The following ZSCAN4 variants were observed in gnomAD, a reference collection of about 807,000 sequenced individuals.
ZSCAN4 encodes the protein zinc finger and SCAN domain containing 4.
In ZSCAN4, 18 loss-of-function variants were observed where a neutral mutation model predicts 18.3. The ratio of observed to expected loss-of-function variants is 0.98; its 90% CI spans 0.68 to 1.46. The LOEUF is 1.46. ZSCAN4 is among the 40% of genes most tolerant of loss of function. The pLI, the probability that ZSCAN4 is intolerant of heterozygous loss-of-function variation, is 0.00. For missense variants in ZSCAN4, 498 were observed against 511.4 expected (o/e 0.97, Z 0.25); for synonymous variants, 193 against 180.3 (o/e 1.07, Z -0.57).
chr19:57,656,512 G>A, the ZSCAN4 span, among the ~76,000 whole-genome samples: 1 of 152,170 alleles, frequency 6.6e-6, no homozygotes, highest in South Asian at 2.1e-4. Context: ...AACCTTGAAT[G>A]TTTAACCAGT....
chr19:57,672,841 A>T (rs993154594), intron 2 of ZSCAN4, among the ~76,000 whole-genome samples: 1 of 152,082 alleles, frequency 6.6e-6, no homozygotes, highest in Admixed American at 6.6e-5. Flanking sequence ...GCCTCAAGCG[A>T]TATGCCCACC....
Position 57,678,397 on chromosome 19 carries a change from G to A in ZSCAN4, c.794G>A (p.Gly265Asp), listed in dbSNP as rs760112751. Reference sequence around the variant, plus strand: ...TCCATAAATGGAATCACTTTCCAAGGTGTCCCTATGGTGATGGGAGCAGGG... The same window carrying A: ...TCCATAAATGGAATCACTTTCCAAGATGTCCCTATGGTGATGGGAGCAGGG... The change falls in exon 5 of 5, where the codon GGT (glycine) becomes GAT (aspartate). Residue 265 changes from glycine to aspartate, a missense_variant. Transcript: ENST00000318203. 8 of 1,614,002 alleles carry A rather than the reference G, an allele frequency of 5.0e-6. No individual in the cohort carries two copies. In the African/African-American group the frequency reaches 9.3e-5, roughly 19 times the overall value.
chr19:57,673,451 C>T (rs193239360), intron 2 of ZSCAN4, among the ~76,000 whole-genome samples: 27 of 152,020 alleles, frequency 1.8e-4, no homozygotes, highest in African/African-American at 4.6e-4. Flanking sequence ...GACAAAATAG[C>T]GAGACCAAGT....
At chr19:57,663,519 CTAAAA>C in the ZSCAN4 span, among the ~76,000 whole-genome samples, 6 of 18,286 alleles carry the variant, frequency 3.3e-4, no homozygotes, top group African/African-American at 1.1e-3. Flanking sequence ...AACCATGTCT[CTAAAA>C]AAAAAAAAAA....
At chr19:57,675,992 T>C in intron 2 of ZSCAN4, 49 bp from the exon 3 acceptor site, 2 of 747,458 alleles carry the variant, frequency 2.7e-6, no homozygotes, top group South Asian at 4.1e-5. Flanking sequence ...GATTTGTCTT[T>C]AATTATGCCA....
At chr19:57,664,322 C>A, upstream of ZSCAN4, 1 of 153,234 alleles carries the variant, frequency 6.5e-6, no homozygotes, top group South Asian at 1.8e-4. Flanking sequence ...GAGCAAGAGC[C>A]CCAGGACGCT....
chr19:57,655,278 C>A, the ZSCAN4 span, among the ~76,000 whole-genome samples: 23 of 152,176 alleles, frequency 1.5e-4, no homozygotes, highest in African/African-American at 5.3e-4. Context: ...CCTAGAACAC[C>A]TGGATCCAGT....
intron 3 of ZSCAN4, among the ~76,000 whole-genome samples, chr19:57,677,483 AAC>A (rs1984221831): frequency 6.6e-6 from 1 of 152,172 alleles, no homozygotes; most frequent in African/African-American, 2.4e-5. Flanking sequence ...AAAATGCTGA[AAC>A]ACTGTCTAGT....
chr19:57,664,354 G>T, upstream of ZSCAN4: 1 of 153,190 alleles, frequency 6.5e-6, no homozygotes, highest in South Asian at 1.8e-4. Context: ...GCGAGGAGCT[G>T]GGGCGCGGCG....
upstream of ZSCAN4, chr19:57,664,524 AGGCCGAGGGGCC>A (rs1983804653): frequency 6.6e-6 from 1 of 152,450 alleles, no homozygotes; most frequent in African/African-American, 2.4e-5. Context: ...CTGCGGCTGC[AGGCCGAGGGGCC>A]CCTGGGACAG....
the ZSCAN4 span, among the ~76,000 whole-genome samples, chr19:57,652,973 G>A: frequency 1.3e-5 from 2 of 152,192 alleles, no homozygotes; most frequent in South Asian, 2.1e-4. Flanking sequence ...GGCTCACACT[G>A]ATGCTCTCCA....
At chr19:57,671,613 C>A (rs2056213568) in intron 2 of ZSCAN4, among the ~76,000 whole-genome samples, 1 of 150,896 alleles carries the variant, frequency 6.6e-6, no homozygotes, top group South Asian at 2.1e-4. Context: ...CCTCGTAGGA[C>A]AAGGACTCAG....
upstream of ZSCAN4, among the ~76,000 whole-genome samples, chr19:57,663,987 C>T (rs977181225): frequency 5.3e-5 from 8 of 151,712 alleles, no homozygotes; most frequent in African/African-American, 1.5e-4. Context: ...AAACAATTAG[C>T]CGGGCTAGCT....
chr19:57,671,650 C>T (rs1214001526), intron 2 of ZSCAN4, among the ~76,000 whole-genome samples: 1 of 152,046 alleles, frequency 6.6e-6, no homozygotes, highest in East Asian at 1.9e-4. Flanking sequence ...CAAAGGGGAG[C>T]CATCCAGAGA....
chr19:57,672,196 C>G (rs1984044879), intron 2 of ZSCAN4, among the ~76,000 whole-genome samples: 1 of 152,030 alleles, frequency 6.6e-6, no homozygotes, highest in South Asian at 2.1e-4. Flanking sequence ...GGAGTAAAAA[C>G]AGATAAACAT....
chr19:57,656,151 A>G, the ZSCAN4 span, among the ~76,000 whole-genome samples: 1 of 152,166 alleles, frequency 6.6e-6, no homozygotes, highest in Non-Finnish European at 1.5e-5. Context: ...GGAGGTAGCT[A>G]AACTACCATT....
At chr19:57,671,496 G>GAA (rs35157527) in intron 2 of ZSCAN4, among the ~76,000 whole-genome samples, 167 of 134,586 alleles carry the variant, frequency 1.2e-3, no homozygotes, top group Middle Eastern at 3.7e-3. Flanking sequence ...GGTTCCACAG[G>GAA]AAAAAAAAAA....
the ZSCAN4 span, among the ~76,000 whole-genome samples, chr19:57,652,406 C>G: frequency 6.6e-6 from 1 of 152,154 alleles, no homozygotes; most frequent in Admixed American, 6.5e-5. Flanking sequence ...CTTTGTTTAT[C>G]TCTGTTTGTG....
chr19:57,673,449 A>G (rs1319967244), intron 2 of ZSCAN4, among the ~76,000 whole-genome samples: 2 of 152,172 alleles, frequency 1.3e-5, no homozygotes, highest in Non-Finnish European at 2.9e-5. Flanking sequence ...TGGACAAAAT[A>G]GCGAGACCAA....
Sources: allele counts gnomAD v4.1 joint callset (sites outside exome capture counted in the v4.1 genomes callset), GRCh38; gene constraint gnomAD v4.1.1; transcripts MANE v1.5; gene names NCBI Gene and HGNC (gene_info 2026-07-23, HGNC 2026-07-21).